Variants in BTBD9 observed in about 807,000 individuals in gnomAD.
BTBD9 encodes BTB/POZ domain-containing protein 9.
In BTBD9, 49 loss-of-function variants were observed where a neutral mutation model predicts 64.3. That is an observed-to-expected ratio of 0.76 (90% CI 0.61 to 0.97). The LOEUF (loss-of-function observed/expected upper bound fraction) is 0.97. Ranked by LOEUF, BTBD9 falls within the 50% of genes least tolerant of loss-of-function variation. BTBD9 has a pLI of 0.00. For synonymous variants in BTBD9, 260 were observed against 274.7 expected (o/e 0.95, Z 0.53); for missense variants, 598 against 762.1 (o/e 0.78, Z 2.53).
chr6:38,541,149 C>A (rs1715791488), intron 6 of BTBD9, among the ~76,000 whole-genome samples: 1 of 152,210 alleles, frequency 6.6e-6, no homozygotes, highest in African/African-American at 2.4e-5. Context: ...ACATATTATT[C>A]ATATTTATTC....
intron 6 of BTBD9, among the ~76,000 whole-genome samples, chr6:38,390,142 T>C (rs1459465675): frequency 6.6e-6 from 1 of 152,236 alleles, no homozygotes; most frequent in Non-Finnish European, 1.5e-5. Flanking sequence ...AAGGCTTTCA[T>C]TCTCCTCGGG....
intron 7 of BTBD9, among the ~76,000 whole-genome samples, chr6:38,294,851 T>C (rs1762100893): frequency 6.6e-6 from 1 of 151,730 alleles, no homozygotes; most frequent in South Asian, 2.1e-4. Context: ...AAAACCTTTA[T>C]ACTCTCAACT....
intron 6 of BTBD9, among the ~76,000 whole-genome samples, chr6:38,362,623 A>G (rs957562052): frequency 6.6e-6 from 1 of 152,244 alleles, no homozygotes; most frequent in African/African-American, 2.4e-5. Context: ...CTTGGTACAT[A>G]TAAATCTCAA....
intron 7 of BTBD9, among the ~76,000 whole-genome samples, chr6:38,288,969 G>T (rs922234976): frequency 2.0e-5 from 3 of 152,058 alleles, no homozygotes; most frequent in Non-Finnish European, 4.4e-5. Flanking sequence ...AAAAACACAG[G>T]CTATGTATTC....
intron 6 of BTBD9, among the ~76,000 whole-genome samples, chr6:38,545,872 AC>A (rs1774532010): frequency 6.7e-6 from 1 of 149,072 alleles, no homozygotes; most frequent in Admixed American, 6.7e-5. Flanking sequence ...ACACACACAC[AC>A]ACACACACAC....
intron 4 of BTBD9, chr6:38,588,352 A>C: frequency 1.1e-6 from 1 of 887,668 alleles, no homozygotes; most frequent in African/African-American, 1.6e-5. Context: ...TACTAATTAT[A>C]CTGTGGCCCC....
intron 1 of BTBD9, among the ~76,000 whole-genome samples, chr6:38,625,357 T>C (rs951032999): frequency 3.9e-5 from 6 of 152,208 alleles, no homozygotes; most frequent in Admixed American, 2.0e-4. Context: ...ATTTAACCTA[T>C]AACACACTTT....
At chr6:38,366,029 C>T (rs1264604148) in intron 6 of BTBD9, among the ~76,000 whole-genome samples, 1 of 152,182 alleles carries the variant, frequency 6.6e-6, no homozygotes, top group African/African-American at 2.4e-5. Context: ...TTATATTGAA[C>T]TCTGGTTCTC....
intron 6 of BTBD9, among the ~76,000 whole-genome samples, chr6:38,376,457 G>A (rs1385219727): frequency 1.3e-5 from 2 of 152,116 alleles, no homozygotes; most frequent in Non-Finnish European, 2.9e-5. Context: ...CACAATCTAT[G>A]TGATCTCAAT....
chr6:38,225,778 G>A (rs1430553320), intron 9 of BTBD9, among the ~76,000 whole-genome samples: 1 of 152,124 alleles, frequency 6.6e-6, no homozygotes, highest in African/African-American at 2.4e-5. Flanking sequence ...AAGCATCAGG[G>A]GCAACCCAGG....
At chr6:38,261,077 C>T (rs1764771250) in intron 8 of BTBD9, among the ~76,000 whole-genome samples, 2 of 151,938 alleles carry the variant, frequency 1.3e-5, no homozygotes, top group Non-Finnish European at 2.9e-5. Flanking sequence ...GTAGCTAGGA[C>T]TACAGGTGCA....
chr6:38,595,514 C>T (rs375106908), intron 2 of BTBD9, among the ~76,000 whole-genome samples: 1 of 151,418 alleles, frequency 6.6e-6, no homozygotes, highest in African/African-American at 2.4e-5. Context: ...AAAGAAAGGA[C>T]GAAGAGGACA....
At chr6:38,629,016 G>A (rs952490338) in intron 1 of BTBD9, among the ~76,000 whole-genome samples, 4 of 151,300 alleles carry the variant, frequency 2.6e-5, no homozygotes, top group South Asian at 2.1e-4. Context: ...GGTCAAATAC[G>A]GAACAATATG....
intron 6 of BTBD9, among the ~76,000 whole-genome samples, chr6:38,505,572 C>T (rs556764656): frequency 1.4e-4 from 21 of 148,436 alleles, no homozygotes; most frequent in South Asian, 4.3e-4. Flanking sequence ...TGCAGTGAGC[C>T]GAGATCGCAC....
chr6:38,222,901 T>C (rs941086108), intron 9 of BTBD9, among the ~76,000 whole-genome samples: 2 of 152,130 alleles, frequency 1.3e-5, no homozygotes, highest in African/African-American at 4.8e-5. Context: ...GAAGGTTTTA[T>C]TTTATTTATT....
intron 6 of BTBD9, among the ~76,000 whole-genome samples, chr6:38,364,917 G>A (rs796770728): frequency 9.2e-5 from 14 of 152,204 alleles, no homozygotes; most frequent in African/African-American, 3.4e-4. Context: ...ATTCAGCCAG[G>A]TATTAGTTTT....
In BTBD9 at chr6:38,256,473, C is replaced by A; in HGVS notation, c.1498G>T (p.Val500Phe). The change falls in exon 9 of 11, where the codon GTT becomes TTT. Residue 500 changes from valine to phenylalanine, a missense_variant. By Grantham distance (50) the Val-to-Phe change is conservative. Transcript: ENST00000481247. ...DCDDRSYSYY[V>F]EVSTNQQQWT... ...TGTTGCTGGTTGGTAGAAACCTCAA[C>A]GTAGTAGCTATAGCTTCGATCATCA... 1.2e-6 allele frequency: 2 copies of A among 1,614,022 alleles called. No homozygotes were observed. Among genetic ancestry groups the A allele is most frequent in the Non-Finnish European group, 1.7e-6 (2 of 1,179,916 alleles).
intron 6 of BTBD9, among the ~76,000 whole-genome samples, chr6:38,417,042 G>A (rs1197945745): frequency 6.6e-6 from 1 of 151,848 alleles, no homozygotes; most frequent in Non-Finnish European, 1.5e-5. Flanking sequence ...GCTCAAACAA[G>A]GTGCTCTGCA....
chr6:38,433,537 G>A lies in BTBD9; in HGVS notation c.1155-88444C>T, dbSNP rs988534793. Among the ~76,000 whole-genome samples, 18 of 150,954 alleles carry A rather than the reference G, an allele frequency of 1.2e-4. 1 individual carries two copies. Among genetic ancestry groups the A allele is most frequent in the Admixed American group, 7.2e-4 (11 of 15,180 alleles). On this transcript the variant is annotated intron_variant, in intron 6 of 10. Transcript: ENST00000481247. The stretch of plus-strand genomic sequence containing the variant: ...CCCAACTGAGCACCTTGTGACCCCC[G>A]CCCCTGCCTGCAAGAGAAAAACCCC...
Sources: gnomAD v4.1 joint callset for allele counts (sites outside exome capture counted in the v4.1 genomes callset) on GRCh38, gnomAD v4.1.1 for gene constraint, MANE v1.5 for transcripts, NCBI Gene and HGNC (gene_info 2026-07-23, HGNC 2026-07-21) for gene names.